The following GRM5 variants were observed in gnomAD, a reference collection of about 807,000 sequenced individuals.
The protein encoded by GRM5 is metabotropic glutamate receptor 5.
A neutral mutation model predicts 83.1 loss-of-function variants in GRM5; 19 were observed. The ratio of observed to expected loss-of-function variants is 0.23; its 90% CI spans 0.16 to 0.34. GRM5 has a LOEUF of 0.34. Ranked by LOEUF, GRM5 falls within the 10% of genes least tolerant of loss-of-function variation. GRM5 has a pLI of 1.00. For missense variants in GRM5, 1,160 were observed against 1,588.3 expected, an observed-to-expected ratio of 0.73 and a Z score of 4.58; for synonymous variants, 675 against 633.6, an observed-to-expected ratio of 1.07 and a Z score of -0.98.
At chr11:88,918,710 G>C (rs183096611) in intron 2 of GRM5, among the ~76,000 whole-genome samples, 107 of 151,930 alleles carry the variant, frequency 7.0e-4, no homozygotes, top group Middle Eastern at 3.4e-3. Flanking sequence ...CATAGTATAA[G>C]AAGATATAAA....
Position 88,675,280 on chromosome 11 carries a change from G to A in GRM5, c.912-21877C>T, listed in dbSNP as rs560629423. Among the ~76,000 whole-genome samples the A allele has an allele frequency of 5.3e-5, 8 of 152,050 alleles. No individual in the cohort carries two copies. In the South Asian group the frequency reaches 1.5e-3, roughly 28 times the overall value. ...TTTCAAGACACTATTTCATTCCATT[G>A]TCCTAGCACTTCACTGGATTCATTG... is the stretch of plus-strand genomic sequence containing the variant. On this transcript the variant is annotated intron_variant, in intron 3 of 9. Coordinates refer to ENST00000305447, the MANE Select transcript of GRM5 (RefSeq NM_001143831.3).
chr11:88,960,981 AC>A (rs1938765854), intron 2 of GRM5, among the ~76,000 whole-genome samples: 1 of 152,222 alleles, frequency 6.6e-6, no homozygotes, highest in South Asian at 2.1e-4. Flanking sequence ...AAGCATGTAT[AC>A]TGAAGAACAC....
intron 3 of GRM5, among the ~76,000 whole-genome samples, chr11:88,700,343 TG>T (rs1941001182): frequency 6.6e-6 from 1 of 152,074 alleles, no homozygotes; most frequent in African/African-American, 2.4e-5. Context: ...GCTAGCATGA[TG>T]GGCTCAAGAA....
intron 3 of GRM5, among the ~76,000 whole-genome samples, chr11:88,661,946 T>C (rs192003936): frequency 6.6e-6 from 1 of 152,194 alleles, no homozygotes; most frequent in East Asian, 1.9e-4. Flanking sequence ...GATAATGTTA[T>C]CAACTGAAAA....
intron 3 of GRM5, among the ~76,000 whole-genome samples, chr11:88,799,759 A>T (rs1405148738): frequency 6.6e-6 from 1 of 152,184 alleles, no homozygotes; most frequent in Non-Finnish European, 1.5e-5. Context: ...CTACGATAAT[A>T]AAAGTCAGAA....
intron 2 of GRM5, among the ~76,000 whole-genome samples, chr11:89,026,625 GAAAAT>G (rs1037368990): frequency 1.3e-5 from 2 of 152,022 alleles, no homozygotes; most frequent in African/African-American, 4.8e-5. Context: ...AAGACAATGT[GAAAAT>G]AAAATGAGAT....
At chr11:88,882,244 G>GTAGGTAAA (rs1944965290) in intron 2 of GRM5, among the ~76,000 whole-genome samples, 1 of 33,070 alleles carries the variant, frequency 3.0e-5, no homozygotes, top group Non-Finnish European at 5.3e-5. Flanking sequence ...ATCAAAATAA[G>GTAGGTAAA]TAAGTAAATA....
intron 3 of GRM5, among the ~76,000 whole-genome samples, chr11:88,752,461 A>G (rs919427417): frequency 5.3e-5 from 8 of 152,228 alleles, no homozygotes; most frequent in African/African-American, 1.9e-4. Flanking sequence ...GAGGACACAA[A>G]CAAATGGAGA....
chr11:88,602,943 C>A (rs1197099446), intron 5 of GRM5, among the ~76,000 whole-genome samples: 1 of 152,046 alleles, frequency 6.6e-6, no homozygotes, highest in Admixed American at 6.5e-5. Context: ...GGTAAATCAC[C>A]TTTTCCTGAG....
chr11:88,735,545 G>T (rs1006549564), intron 3 of GRM5, among the ~76,000 whole-genome samples: 2 of 151,998 alleles, frequency 1.3e-5, no homozygotes, highest in Non-Finnish European at 2.9e-5. Context: ...GTAGGTTGGG[G>T]CTTCCTTCCC....
At chr11:88,898,995 G>A (rs564775364) in intron 2 of GRM5, among the ~76,000 whole-genome samples, 18 of 151,938 alleles carry the variant, frequency 1.2e-4, no homozygotes, top group Admixed American at 4.6e-4. Flanking sequence ...GGTGGTATTC[G>A]AACGAATCAA....
intron 3 of GRM5, among the ~76,000 whole-genome samples, chr11:88,793,174 A>G (rs1433783366): frequency 6.6e-6 from 1 of 152,142 alleles, no homozygotes; most frequent in Non-Finnish European, 1.5e-5. Context: ...ATCAATCCTA[A>G]CTGAAAGCAC....
At chr11:88,649,299 T>A (rs1939563892) in intron 4 of GRM5, among the ~76,000 whole-genome samples, 1 of 138,862 alleles carries the variant, frequency 7.2e-6, no homozygotes, top group African/African-American at 2.6e-5. Flanking sequence ...TACATATATA[T>A]TATACATTAC....
At chr11:88,562,432 T>C (rs7941720) in intron 8 of GRM5, among the ~76,000 whole-genome samples, 8,197 of 152,166 alleles carry the variant, frequency 0.054, 698 homozygotes, top group African/African-American at 0.18. Context: ...ACCTCAAATT[T>C]CCCATCTGAA....
chr11:88,636,784 C>G (rs1591399348), intron 4 of GRM5, among the ~76,000 whole-genome samples: 1 of 152,058 alleles, frequency 6.6e-6, no homozygotes, highest in South Asian at 2.1e-4. Context: ...AGCCAGTTTT[C>G]CCAGCACCAT....
At chr11:88,569,456 T>C (rs1196473929) in intron 7 of GRM5, among the ~76,000 whole-genome samples, 1 of 152,248 alleles carries the variant, frequency 6.6e-6, no homozygotes, top group Non-Finnish European at 1.5e-5. Flanking sequence ...TTAGTTACAA[T>C]ACTACATTTT....
Position 88,525,290 on chromosome 11 carries a change from C to A in GRM5, c.2726+19G>T, listed in dbSNP as rs770904546. On this transcript the variant is annotated intron_variant, in intron 9 of 9. Transcript: ENST00000305447. The stretch of plus-strand genomic sequence containing the variant: ...TACATTTATTTCACACCACCTCAGG[C>A]CACTCATAGTTTGCTTACCTGCTCA... The A allele has an allele frequency of 1.4e-6, 2 of 1,399,390 alleles. No homozygotes were observed. The allele number at this position is 1,399,390 out of a possible 1,614,324, so 86.7% of individuals were successfully genotyped here.
chr11:89,047,811 T>C lies in GRM5; in HGVS notation c.62A>G (p.Gln21Arg). The change falls in exon 2 of 10, where the codon CAG becomes CGG. Residue 21 changes from glutamine (Q) to arginine (R), a missense_variant. Around this residue, in one of 9 missense-constraint regions of GRM5, gnomAD observed 71 missense variants for 145.8 expected, o/e 0.49. Transcript: ENST00000305447. This position sits in a 1 kb window ranked among gnomAD's most constrained non-coding sequence, Gnocchi z 5.1. Reference protein sequence around the residue: ...LLKEDVRGSAQSSERRVVAHM... With the variant: ...LLKEDVRGSARSSERRVVAHM... Reference sequence around the variant, plus strand: ...AGCCACCACCCTCCTCTCACTGGACTGTGCACTCCCACGGACATCTTCTTT... The same window carrying C: ...AGCCACCACCCTCCTCTCACTGGACCGTGCACTCCCACGGACATCTTCTTT... 2 of 1,613,880 alleles carry C rather than the reference T, an allele frequency of 1.2e-6. No homozygotes were observed. Among genetic ancestry groups the C allele is most frequent in the African/African-American group, 1.3e-5 (1 of 75,058 alleles).
intron 7 of GRM5, 61 bp downstream of exon 7, chr11:88,590,540 C>G (rs1432604718): frequency 1.4e-6 from 2 of 1,403,076 alleles, no homozygotes; most frequent in Admixed American, 1.7e-5. Flanking sequence ...TGTGACCCCC[C>G]TCTCCCACGT....
Sources: gnomAD v4.1 joint callset for allele counts (sites outside exome capture counted in the v4.1 genomes callset) on GRCh38, gnomAD v4.1.1 for gene constraint, gnomAD v4.1.1 regional missense constraint, Gnocchi (gnomAD v3.1) non-coding constraint, MANE v1.5 for transcripts, NCBI Gene and HGNC (gene_info 2026-07-23, HGNC 2026-07-21) for gene names.